Variants in STK3 observed in about 807,000 individuals in gnomAD.
The protein encoded by STK3 is serine/threonine-protein kinase 3.
A neutral mutation model predicts 58.0 loss-of-function variants in STK3; 41 were observed. The observed-to-expected ratio is 0.71, with a 90% CI of 0.55 to 0.92. STK3 has a LOEUF of 0.92. Ranked by LOEUF, STK3 falls within the 40% of genes least tolerant of loss-of-function variation. The pLI, the probability that STK3 is intolerant of heterozygous loss-of-function variation, is 0.00. For missense variants in STK3, 479 were observed against 602.7 expected, an observed-to-expected ratio of 0.79 and a Z score of 2.15; for synonymous variants, 170 against 191.0, an observed-to-expected ratio of 0.89 and a Z score of 0.91.
At chr8:98,544,652 ACACAC>A (rs1810554889) in intron 9 of STK3, among the ~76,000 whole-genome samples, 1 of 6,948 alleles carries the variant, frequency 1.4e-4, no homozygotes, top group African/African-American at 5.9e-4. Flanking sequence ...CTACTATAAC[ACACAC>A]ACACACACAC....
chr8:98,435,971 C>A (rs1167906209), intron 2 of STK3, among the ~76,000 whole-genome samples: 2 of 152,170 alleles, frequency 1.3e-5, no homozygotes, highest in Non-Finnish European at 2.9e-5. Flanking sequence ...CTTTCCTCTC[C>A]TGTCACTTCC....
rs1835216958 is a variant in STK3 at position 98,825,636 on chromosome 8, G to C, written c.-96C>G. On this transcript the variant is annotated 5_prime_UTR_variant, in exon 1 of 11. Transcript: ENST00000419617. ...GGCCGGCCGAGCCTAGGGCACCACA[G>C]AGGGAAACTCTGGGAACTCGGACCA... is the stretch of plus-strand genomic sequence containing the variant. The C allele has an allele frequency of 7.9e-7, 1 of 1,270,978 alleles. No individual in the cohort carries two copies. The highest frequency in any genetic ancestry group is 1.0e-6 in the Non-Finnish European group (1 of 997,648). 78.7% of individuals were successfully genotyped at this position (1,270,978 alleles called of 1,614,324 possible).
At chr8:98,890,294 T>C (rs1460236374) in intron 1 of STK3, among the ~76,000 whole-genome samples, 5 of 152,184 alleles carry the variant, frequency 3.3e-5, no homozygotes. Flanking sequence ...TTCTCTGCAT[T>C]GGTAAAAGTA....
At chr8:98,667,056 AT>A (rs1473653689) in intron 6 of STK3, among the ~76,000 whole-genome samples, 1 of 152,112 alleles carries the variant, frequency 6.6e-6, no homozygotes, top group African/African-American at 2.4e-5. Context: ...GAGTCCAGAT[AT>A]TTTTTCCATT....
At chr8:98,734,541 C>T (rs1828432296) in intron 4 of STK3, among the ~76,000 whole-genome samples, 1 of 152,120 alleles carries the variant, frequency 6.6e-6, no homozygotes. Context: ...AAAATATAGA[C>T]TCTATTTCTT....
intron 10 of STK3, among the ~76,000 whole-genome samples, chr8:98,496,956 G>C (rs10955179): frequency 2.6e-5 from 4 of 151,680 alleles, no homozygotes; most frequent in African/African-American, 7.2e-5. Flanking sequence ...AAATTTTATG[G>C]TTTTTTTTAA....
the STK3 span, among the ~76,000 whole-genome samples, chr8:98,356,738 G>T: frequency 6.6e-6 from 1 of 152,210 alleles, no homozygotes; most frequent in Non-Finnish European, 1.5e-5. Flanking sequence ...ATTGCATTGT[G>T]ATTTATTTGT....
intron 6 of STK3, among the ~76,000 whole-genome samples, chr8:98,652,028 T>C (rs1199177214): frequency 6.6e-6 from 1 of 151,930 alleles, no homozygotes; most frequent in Non-Finnish European, 1.5e-5. Context: ...GACACATAAT[T>C]GTCAGATTCA....
intron 3 of STK3, among the ~76,000 whole-genome samples, chr8:98,761,816 T>C (rs1025647841): frequency 2.0e-5 from 3 of 152,146 alleles, no homozygotes; most frequent in Non-Finnish European, 2.9e-5. Flanking sequence ...TTTGAAACTT[T>C]TGATTTTTTA....
At chr8:98,479,400 T>C (rs935089350) in intron 10 of STK3, among the ~76,000 whole-genome samples, 7 of 146,884 alleles carry the variant, frequency 4.8e-5, no homozygotes, top group African/African-American at 1.8e-4. Flanking sequence ...GGCAGCAGAA[T>C]TGCTTGAGTC....
chr8:98,933,811 CTA>C (rs1840092991), intron 1 of STK3, among the ~76,000 whole-genome samples: 1 of 152,170 alleles, frequency 6.6e-6, no homozygotes, highest in African/African-American at 2.4e-5. Context: ...CCTTCCATAC[CTA>C]TGTTACTAAA....
intron 6 of STK3, among the ~76,000 whole-genome samples, chr8:98,655,401 T>A (rs1261540489): frequency 2.6e-5 from 4 of 152,148 alleles, no homozygotes; most frequent in Admixed American, 6.6e-5. Context: ...AACCTAGGCA[T>A]TACCATTCAG....
intron 3 of STK3, among the ~76,000 whole-genome samples, chr8:98,418,319 T>C (rs549431690): frequency 3.2e-4 from 49 of 152,334 alleles, no homozygotes; most frequent in Admixed American, 9.8e-4. Context: ...TCTCAGAAGC[T>C]ATCCAGGATT....
intron 3 of STK3, among the ~76,000 whole-genome samples, chr8:98,407,365 T>G (rs556987755): frequency 6.6e-6 from 1 of 152,160 alleles, no homozygotes; most frequent in African/African-American, 2.4e-5. Context: ...AGGCTATTCC[T>G]ACGTCCTTCA....
chr8:98,346,703 A>C, the STK3 span, among the ~76,000 whole-genome samples: 1 of 151,912 alleles, frequency 6.6e-6, no homozygotes, highest in Admixed American at 6.5e-5. Context: ...TATACTCAGC[A>C]AAGCTATCTG....
intron 9 of STK3, among the ~76,000 whole-genome samples, chr8:98,528,520 C>G (rs1311212452): frequency 6.6e-6 from 1 of 151,846 alleles, no homozygotes; most frequent in Non-Finnish European, 1.5e-5. Context: ...GAGTTTCGCT[C>G]TTGTTGTGCA....
intron 3 of STK3, among the ~76,000 whole-genome samples, chr8:98,425,144 C>A (rs1464794913): frequency 6.6e-6 from 1 of 152,182 alleles, no homozygotes; most frequent in Non-Finnish European, 1.5e-5. Flanking sequence ...TCCACAGCAC[C>A]CCCATGGGGA....
chr8:98,744,387 A>G (rs981276780), intron 4 of STK3, among the ~76,000 whole-genome samples: 1 of 152,030 alleles, frequency 6.6e-6, no homozygotes, highest in African/African-American at 2.4e-5. Flanking sequence ...TATACCATGG[A>G]ATACTATGCA....
chr8:98,408,184 A>G (rs1818018346), intron 3 of STK3, among the ~76,000 whole-genome samples: 1 of 152,184 alleles, frequency 6.6e-6, no homozygotes, highest in Non-Finnish European at 1.5e-5. Flanking sequence ...AAAAGGGGGT[A>G]GTTTGGAGTT....
Sources: allele counts gnomAD v4.1 joint callset (sites outside exome capture counted in the v4.1 genomes callset), GRCh38; gene constraint gnomAD v4.1.1; transcripts MANE v1.5; gene names NCBI Gene and HGNC (gene_info 2026-07-23, HGNC 2026-07-21).